The following KLHL32 variants were observed in gnomAD, a reference collection of about 807,000 sequenced individuals.
The protein encoded by KLHL32 is kelch-like protein 32.
KLHL32 carries 35 observed loss-of-function variants against 64.8 expected under a neutral mutation model. That is an observed-to-expected ratio of 0.54 (90% confidence interval 0.41 to 0.72). The LOEUF is 0.72. KLHL32 is among the 30% of genes least tolerant of loss of function. The pLI, the probability that KLHL32 is intolerant of heterozygous loss-of-function variation, is 0.00. For missense variants in KLHL32, 589 were observed against 768.5 expected (o/e 0.77, Z 2.76); for synonymous variants, 259 against 281.0 (o/e 0.92, Z 0.78).
At chr6:96,913,255 A>G in the KLHL32 span, among the ~76,000 whole-genome samples, 7 of 152,332 alleles carry the variant, frequency 4.6e-5, no homozygotes, top group African/African-American at 1.7e-4. Context: ...TGCATATCCT[A>G]TTTGAGAGCA....
chr6:96,906,899 T>G, the KLHL32 span, among the ~76,000 whole-genome samples: 1 of 152,198 alleles, frequency 6.6e-6, no homozygotes, highest in Non-Finnish European at 1.5e-5. Flanking sequence ...AGCTCTTATA[T>G]GTCCAGAGAA....
chr6:97,068,636 T>C (rs1438079208), intron 5 of KLHL32, among the ~76,000 whole-genome samples: 3 of 152,240 alleles, frequency 2.0e-5, no homozygotes, highest in Non-Finnish European at 4.4e-5. Flanking sequence ...TGGGCTGCTG[T>C]GGTCATTTAT....
intron 3 of KLHL32, among the ~76,000 whole-genome samples, chr6:97,035,096 A>G (rs189497360): frequency 6.6e-6 from 1 of 151,860 alleles, no homozygotes; most frequent in East Asian, 1.9e-4. Context: ...TTTTTGTAGT[A>G]TTTGCCTTGA....
At chr6:96,996,684 C>T (rs565396709) in intron 3 of KLHL32, among the ~76,000 whole-genome samples, 7 of 152,156 alleles carry the variant, frequency 4.6e-5, no homozygotes, top group Non-Finnish European at 8.8e-5. Context: ...CTTTTCCTCT[C>T]TTCAACATTC....
intron 4 of KLHL32, among the ~76,000 whole-genome samples, chr6:97,044,048 T>A (rs1185939415): frequency 6.6e-6 from 1 of 152,126 alleles, no homozygotes. Flanking sequence ...GTGGTCAAAA[T>A]GGGCATACTT....
intron 4 of KLHL32, among the ~76,000 whole-genome samples, chr6:97,059,951 T>C (rs1788605973): frequency 6.6e-6 from 1 of 152,148 alleles, no homozygotes. Context: ...GGAAATGTAA[T>C]CATTTATTCT....
intron 6 of KLHL32, among the ~76,000 whole-genome samples, chr6:97,094,921 AG>A (rs1419347517): frequency 3.3e-5 from 5 of 152,206 alleles, no homozygotes; most frequent in African/African-American, 1.2e-4. Flanking sequence ...GGGTAATTAA[AG>A]GAGTGATGGA....
intron 1 of KLHL32, among the ~76,000 whole-genome samples, chr6:96,938,822 G>A (rs576043120): frequency 2.0e-5 from 3 of 152,184 alleles, no homozygotes; most frequent in Admixed American, 6.5e-5. Context: ...TGACCCACAT[G>A]CAGTGATGTA....
At chr6:96,944,091 C>T (rs1771658421) in intron 1 of KLHL32, among the ~76,000 whole-genome samples, 1 of 152,168 alleles carries the variant, frequency 6.6e-6, no homozygotes, top group Admixed American at 6.5e-5. Context: ...TTCTTGTCCT[C>T]CAGGCTGTTG....
At chr6:97,061,870 C>G (rs1163952913) in intron 4 of KLHL32, among the ~76,000 whole-genome samples, 1 of 152,128 alleles carries the variant, frequency 6.6e-6, no homozygotes, top group Non-Finnish European at 1.5e-5. Context: ...TATATTCGAA[C>G]AGTCAGTCAC....
In KLHL32 at chr6:96,971,685, G is replaced by A. The variant is rs573668415; in HGVS notation, c.24-4312G>A. On this transcript the variant is annotated intron_variant, in intron 2 of 10. Coordinates refer to ENST00000369261, the MANE Select transcript of KLHL32 (RefSeq NM_052904.4). ...CTGTGAAATACAGGGACAGCAGTTC[G>A]CACAGGCAGCCTGACGGGGGTTGCC... 2.4e-4 allele frequency among the ~76,000 whole-genome samples: 36 copies of A among 152,158 alleles called. No individual in the cohort carries two copies. The South Asian group carries it at 5.2e-3, about 22-fold the overall frequency.
intron 5 of KLHL32, among the ~76,000 whole-genome samples, chr6:97,080,739 G>A (rs1792372694): frequency 6.6e-6 from 1 of 152,184 alleles, no homozygotes; most frequent in Non-Finnish European, 1.5e-5. Flanking sequence ...TTCCTCCCAT[G>A]GAGCTTACTG....
At chr6:97,060,890 C>T (rs1582888003) in intron 4 of KLHL32, among the ~76,000 whole-genome samples, 2 of 152,150 alleles carry the variant, frequency 1.3e-5, no homozygotes, top group South Asian at 2.1e-4. Flanking sequence ...CTTATCCCCA[C>T]CAAAATGAGT....
chr6:96,951,594 A>C (rs1772614162), intron 1 of KLHL32, among the ~76,000 whole-genome samples: 1 of 152,226 alleles, frequency 6.6e-6, no homozygotes, highest in Admixed American at 6.5e-5. Context: ...CATCAAGACA[A>C]TATTAATTGC....
At chr6:96,934,218 C>T (rs570881821) in intron 1 of KLHL32, among the ~76,000 whole-genome samples, 3 of 152,184 alleles carry the variant, frequency 2.0e-5, no homozygotes, top group African/African-American at 2.4e-5. Flanking sequence ...GAGGTTGTTT[C>T]GAAAATATAG....
chr6:97,101,546 T>A (rs2128196966), intron 6 of KLHL32, among the ~76,000 whole-genome samples: 1 of 152,344 alleles, frequency 6.6e-6, no homozygotes, highest in African/African-American at 2.4e-5. Context: ...AGCCAAGTGA[T>A]GAAAGTGACT....
chr6:97,139,394 C>A lies in KLHL32; in HGVS notation c.*112C>A. On this transcript the variant is annotated 3_prime_UTR_variant, in exon 11 of 11. Coordinates refer to ENST00000369261, the MANE Select transcript of KLHL32 (RefSeq NM_052904.4). ...TGTCTTGCTTTATAGGTCTTATATT[C>A]GGATAAATTTAAGCAAAAAATGAAC... 4 of 953,192 alleles carry A rather than the reference C, an allele frequency of 4.2e-6. No individual in the cohort carries two copies. The highest frequency in any genetic ancestry group is 2.8e-5 in the Admixed American group (1 of 35,634). The allele number at this position is 953,192 out of a possible 1,614,324, so 59.0% of individuals were successfully genotyped here. A position where few individuals can be genotyped will look rare whatever the true frequency, so the allele number is the denominator to read the frequency against.
chr6:97,025,008 T>G, intron 3 of KLHL32: 2 of 985,262 alleles, frequency 2.0e-6, no homozygotes, highest in Non-Finnish European at 2.4e-6. Flanking sequence ...ACGGTCAACC[T>G]CAGCTTCATC....
chr6:97,132,074 A>C (rs1799501377), intron 9 of KLHL32, among the ~76,000 whole-genome samples: 1 of 152,170 alleles, frequency 6.6e-6, no homozygotes, highest in Non-Finnish European at 1.5e-5. Flanking sequence ...GCGTGTCAGC[A>C]TCTAGGGATT....
Sources: allele counts gnomAD v4.1 joint callset (sites outside exome capture counted in the v4.1 genomes callset), GRCh38; gene constraint gnomAD v4.1.1; transcripts MANE v1.5; gene names NCBI Gene and HGNC (gene_info 2026-07-23, HGNC 2026-07-21).